Variants in MYOZ2 observed in about 807,000 individuals in gnomAD.
MYOZ2 encodes the protein myozenin 2.
A neutral mutation model predicts 25.4 loss-of-function variants in MYOZ2; 19 were observed. The observed-to-expected ratio is 0.75, with a 90% confidence interval of 0.52 to 1.10. The LOEUF (loss-of-function observed/expected upper bound fraction) is 1.10. MYOZ2 is among the 50% of genes least tolerant of loss of function. The pLI is 0.00. For missense variants in MYOZ2, 270 were observed against 317.9 expected (o/e 0.85, Z 1.15); for synonymous variants, 92 against 106.9 (o/e 0.86, Z 0.86).
At position 119,148,570 on chromosome 4, in the gene MYOZ2, T is replaced by C. The variant is rs116901181; in HGVS notation, c.77-2302T>C. Reference sequence around the variant, plus strand: ...TCTATTTTTCTCTGTGTTGGTCTTATTGGGGAAATTCTATTCTAACAGCTA... The same window carrying C: ...TCTATTTTTCTCTGTGTTGGTCTTACTGGGGAAATTCTATTCTAACAGCTA... On this transcript the variant is annotated intron_variant, in intron 2 of 5. Transcript: ENST00000307128. Among the ~76,000 whole-genome samples, 715 of 152,234 alleles carry C rather than the reference T, an allele frequency of 4.7e-3. 12 individuals are homozygous for C. Among genetic ancestry groups the C allele is most frequent in the Admixed American group, 0.032 (493 of 15,292 alleles).
intron 2 of MYOZ2, among the ~76,000 whole-genome samples, chr4:119,138,224 G>A (rs1741080166): frequency 6.6e-6 from 1 of 152,128 alleles, no homozygotes; most frequent in Admixed American, 6.6e-5. Context: ...TCCCTCCCAT[G>A]TCACTGGATG....
rs1284743784 is a variant in MYOZ2 at position 119,141,854 on chromosome 4, G to T, written c.76+5253G>T. Among the ~76,000 whole-genome samples, 5 of 152,328 alleles carry T rather than the reference G, an allele frequency of 3.3e-5. No individual in the cohort carries two copies. In the East Asian group the frequency reaches 9.6e-4, roughly 29 times the overall value. On this transcript the variant is annotated intron_variant, in intron 2 of 5. Transcript: ENST00000307128. ...CAGGCAACAGCTGAACTTAGAATCT[G>T]TGTGCTCAGCTGACAGCGTTCTTGA...
intron 3 of MYOZ2, among the ~76,000 whole-genome samples, chr4:119,154,332 G>A (rs1741522400): frequency 6.6e-6 from 1 of 152,142 alleles, no homozygotes; most frequent in Non-Finnish European, 1.5e-5. Context: ...GAGGTAAGAA[G>A]AGACATATCT....
chr4:119,163,237 A>G (rs1366181262), intron 4 of MYOZ2, among the ~76,000 whole-genome samples: 3 of 151,952 alleles, frequency 2.0e-5, no homozygotes, highest in Non-Finnish European at 4.4e-5. Context: ...TTTTTGGAGG[A>G]GACAAACATT....
chr4:119,158,695 A>G (rs1741640830), intron 4 of MYOZ2, among the ~76,000 whole-genome samples: 1 of 152,246 alleles, frequency 6.6e-6, no homozygotes, highest in South Asian at 2.1e-4. Context: ...GAAAATTATA[A>G]TAAGTAATTT....
At chr4:119,146,286 C>CT (rs564459547) in intron 2 of MYOZ2, among the ~76,000 whole-genome samples, 51 of 146,458 alleles carry the variant, frequency 3.5e-4, no homozygotes, top group South Asian at 1.1e-3. Context: ...TTTTGTTCAT[C>CT]TTTTTTTTTT....
At chr4:119,167,274 G>T (rs531949778) in intron 5 of MYOZ2, among the ~76,000 whole-genome samples, 1 of 152,198 alleles carries the variant, frequency 6.6e-6, no homozygotes, top group Non-Finnish European at 1.5e-5. Context: ...GAGTAGTCTG[G>T]ATGGAAGATC....
intron 1 of MYOZ2, 137 bp from the exon 2 acceptor site, chr4:119,136,375 G>A (rs181853246): frequency 8.0e-5 from 59 of 739,260 alleles, no homozygotes; most frequent in South Asian, 4.2e-4. Context: ...TAAGGAATGC[G>A]TATTGAAGTC....
At position 119,178,342 on chromosome 4, in the gene MYOZ2, A is replaced by G. The variant is rs182903115; in HGVS notation, c.561-7624A>G. Among the ~76,000 whole-genome samples, 9 of 152,258 alleles carry G rather than the reference A, an allele frequency of 5.9e-5. No homozygotes were observed. In the East Asian group the frequency reaches 1.4e-3, roughly 23 times the overall value. On this transcript the variant is annotated intron_variant, in intron 5 of 5. Coordinates refer to ENST00000307128, the MANE Select transcript of MYOZ2 (RefSeq NM_016599.5). ...TATCACCTGTGTGCTGATAATGCCA[A>G]TGATATACTCAGCCTGAACTCTTCC...
At chr4:119,145,880 T>C (rs1457296010) in intron 2 of MYOZ2, among the ~76,000 whole-genome samples, 7 of 152,178 alleles carry the variant, frequency 4.6e-5, no homozygotes, top group African/African-American at 1.7e-4. Context: ...AGACTATAAA[T>C]TGAATTGCCT....
intron 2 of MYOZ2, among the ~76,000 whole-genome samples, chr4:119,149,855 A>G (rs546150380): frequency 1.6e-4 from 24 of 152,282 alleles, no homozygotes; most frequent in African/African-American, 5.3e-4. Flanking sequence ...TTTTTCTCTC[A>G]AAAGAAAAGT....
intron 3 of MYOZ2, among the ~76,000 whole-genome samples, chr4:119,152,747 A>G (rs71610253): frequency 6.6e-6 from 1 of 152,208 alleles, no homozygotes; most frequent in Non-Finnish European, 1.5e-5. Context: ...GATAAATAAC[A>G]CAAAGCAATA....
At chr4:119,164,097 T>G (rs1168083147) in intron 4 of MYOZ2, 114 bp from the exon 5 acceptor site, 7 of 975,576 alleles carry the variant, frequency 7.2e-6, no homozygotes, top group Non-Finnish European at 1.1e-5. Context: ...ATGAAAAGGA[T>G]GCATGCTTCA....
intron 5 of MYOZ2, among the ~76,000 whole-genome samples, chr4:119,170,938 T>C (rs1741934341): frequency 6.6e-6 from 1 of 152,172 alleles, no homozygotes. Context: ...AGACACATTA[T>C]CTTAAAATGA....
At chr4:119,164,656 T>A (rs1036823651) in intron 5 of MYOZ2, among the ~76,000 whole-genome samples, 1 of 152,170 alleles carries the variant, frequency 6.6e-6, no homozygotes, top group Non-Finnish European at 1.5e-5. Context: ...GATTATCCCT[T>A]GATACTTTAA....
chr4:119,164,758 T>C (rs916728868), intron 5 of MYOZ2, among the ~76,000 whole-genome samples: 2 of 152,150 alleles, frequency 1.3e-5, no homozygotes, highest in African/African-American at 4.8e-5. Flanking sequence ...ATTTAATAAA[T>C]AATTCACATG....
intron 5 of MYOZ2, among the ~76,000 whole-genome samples, chr4:119,168,685 A>G (rs2149226641): frequency 7.4e-6 from 1 of 134,370 alleles, no homozygotes; most frequent in South Asian, 2.1e-4. Flanking sequence ...CAACAACAAA[A>G]CAACAACAAC....
intron 5 of MYOZ2, among the ~76,000 whole-genome samples, chr4:119,165,872 T>C (rs1034274574): frequency 6.6e-5 from 10 of 152,254 alleles, no homozygotes; most frequent in Non-Finnish European, 8.8e-5. Flanking sequence ...CCTGTAGTTC[T>C]ACACACACTG....
At chr4:119,154,078 A>G (rs530986092) in intron 3 of MYOZ2, among the ~76,000 whole-genome samples, 1 of 152,276 alleles carries the variant, frequency 6.6e-6, no homozygotes, top group African/African-American at 2.4e-5. Flanking sequence ...GGGGAATTAT[A>G]CTATTAAAAG....
Sources: gnomAD v4.1 joint callset for allele counts (sites outside exome capture counted in the v4.1 genomes callset) on GRCh38, gnomAD v4.1.1 for gene constraint, MANE v1.5 for transcripts, NCBI Gene and HGNC (gene_info 2026-07-23, HGNC 2026-07-21) for gene names.